The following TCEA1 variants were observed in gnomAD, a reference collection of about 807,000 sequenced individuals.
TCEA1 encodes the protein transcription elongation factor A1, also known as transcription elongation factor A protein 1.
Under a neutral mutation model 43.8 loss-of-function variants are expected in TCEA1, and 21 were observed. The ratio of observed to expected loss-of-function variants is 0.48; its 90% CI spans 0.34 to 0.69. The LOEUF (loss-of-function observed/expected upper bound fraction) is 0.69. Ranked by LOEUF, TCEA1 falls within the 30% of genes least tolerant of loss-of-function variation. The pLI is 0.01. For synonymous variants in TCEA1, 104 were observed against 117.5 expected (o/e 0.88, Z 0.75); for missense variants, 250 against 365.1 (o/e 0.68, Z 2.57).
At chr8:53,975,008 A>G (rs1435286879) in intron 8 of TCEA1, among the ~76,000 whole-genome samples, 1 of 152,148 alleles carries the variant, frequency 6.6e-6, no homozygotes, top group Non-Finnish European at 1.5e-5. Context: ...CTAGCCATAA[A>G]AGATGGAAGA....
At chr8:53,986,247 T>C (rs1308009423) in intron 6 of TCEA1, among the ~76,000 whole-genome samples, 9 of 152,200 alleles carry the variant, frequency 5.9e-5, no homozygotes, top group Admixed American at 5.9e-4. Context: ...CCACTCACAA[T>C]GGCCAATCCA....
chr8:53,988,898 G>A (rs866933514), intron 4 of TCEA1, among the ~76,000 whole-genome samples: 50 of 152,058 alleles, frequency 3.3e-4, no homozygotes, highest in African/African-American at 9.6e-4. Context: ...GTGAAACCCC[G>A]TCTCTATTAA....
At chr8:53,982,678 A>AAGAT (rs995950993) in intron 7 of TCEA1, among the ~76,000 whole-genome samples, 2 of 151,884 alleles carry the variant, frequency 1.3e-5, no homozygotes, top group Non-Finnish European at 2.9e-5. Flanking sequence ...CATGAGAAGG[A>AAGAT]AGATTAGAAG....
intron 4 of TCEA1, among the ~76,000 whole-genome samples, chr8:53,992,261 G>C (rs867750096): frequency 6.6e-6 from 1 of 151,798 alleles, no homozygotes; most frequent in Non-Finnish European, 1.5e-5. Flanking sequence ...GCAGTGAGTC[G>C]AGATCGTGCC....
At chr8:54,008,951 C>T (rs771071365) in intron 2 of TCEA1, among the ~76,000 whole-genome samples, 2 of 150,646 alleles carry the variant, frequency 1.3e-5, no homozygotes, top group Non-Finnish European at 3.0e-5. Flanking sequence ...CTGGGTTCAA[C>T]TGATTCTCGT....
intron 7 of TCEA1, among the ~76,000 whole-genome samples, chr8:53,983,406 T>A (rs1387913567): frequency 6.6e-6 from 1 of 152,214 alleles, no homozygotes; most frequent in African/African-American, 2.4e-5. Flanking sequence ...AAATTGTAGA[T>A]ACAATATAGC....
Position 53,984,317 on chromosome 8 carries a change from C to T in TCEA1, c.678+46G>A, listed in dbSNP as rs140179031. The T allele has an allele frequency of 1.3e-4, 196 of 1,532,110 alleles. 3 individuals are homozygous for T. The East Asian group carries it at 4.4e-3, about 34-fold the overall frequency. The allele number at this position is 1,532,110 out of a possible 1,614,324, so 94.9% of individuals were successfully genotyped here. A position where few individuals can be genotyped will look rare whatever the true frequency, so the allele number is the denominator to read the frequency against. On this transcript the variant is annotated intron_variant, in intron 7 of 9. Transcript: ENST00000521604. ...TGATGATAATAGGCTTTACACTTCA[C>T]AACACAGAATCACATTATAGAAACC...
At chr8:53,973,737 T>C (rs1474161146) in intron 8 of TCEA1, 8 of 561,100 alleles carry the variant, frequency 1.4e-5, no homozygotes, top group South Asian at 3.1e-5. Context: ...TAGCAATGCA[T>C]GGTTTCAAGC....
intron 8 of TCEA1, among the ~76,000 whole-genome samples, chr8:53,971,026 T>A (rs935980379): frequency 6.6e-6 from 1 of 152,064 alleles, no homozygotes; most frequent in Non-Finnish European, 1.5e-5. Flanking sequence ...AAGAGTATAA[T>A]TTTATAACAG....
At chr8:54,017,104 T>C (rs1804856926) in intron 1 of TCEA1, among the ~76,000 whole-genome samples, 1 of 152,152 alleles carries the variant, frequency 6.6e-6, no homozygotes, top group Non-Finnish European at 1.5e-5. Context: ...GAAAGTATAT[T>C]AGTGGCTGTC....
intron 2 of TCEA1, among the ~76,000 whole-genome samples, chr8:54,008,319 T>TCAA (rs34975029): frequency 0.028 from 4,244 of 150,608 alleles, 78 homozygotes; most frequent in East Asian, 0.073. Flanking sequence ...GTCAAACAAT[T>TCAA]CAACAACAAC....
intron 7 of TCEA1, among the ~76,000 whole-genome samples, chr8:53,983,499 TAATC>T (rs746847833): frequency 2.0e-5 from 3 of 152,156 alleles, no homozygotes; most frequent in Non-Finnish European, 4.4e-5. Context: ...ATTTAAGAAA[TAATC>T]AATAGGATGG....
intron 6 of TCEA1, among the ~76,000 whole-genome samples, chr8:53,985,414 T>TTTGA (rs1006524170): frequency 1.8e-4 from 28 of 152,274 alleles, no homozygotes; most frequent in African/African-American, 6.7e-4. Flanking sequence ...AAAGCACATG[T>TTTGA]TTGAAAAGGA....
chr8:54,009,855 G>A (rs1183975132), intron 2 of TCEA1: 1 of 152,224 alleles, frequency 6.6e-6, no homozygotes, highest in Non-Finnish European at 1.5e-5. Flanking sequence ...GATAAATACT[G>A]AAGGTGAGGG....
intron 4 of TCEA1, among the ~76,000 whole-genome samples, chr8:53,992,356 T>C (rs1351205109): frequency 1.3e-5 from 2 of 152,046 alleles, no homozygotes; most frequent in African/African-American, 4.8e-5. Context: ...CTCACGCCTG[T>C]AATCCCAGCA....
At chr8:54,001,989 A>C (rs1410059614) in intron 2 of TCEA1, among the ~76,000 whole-genome samples, 26 of 147,030 alleles carry the variant, frequency 1.8e-4, no homozygotes, top group African/African-American at 5.7e-4. Flanking sequence ...AAAAAAAAAA[A>C]CAAAAAACAA....
At chr8:53,984,216 T>C (rs1586000890) in intron 7 of TCEA1, 147 bp downstream of exon 7, 1 of 663,826 alleles carries the variant, frequency 1.5e-6, no homozygotes. Flanking sequence ...ACAATCACCT[T>C]AAGTATTTGT....
chr8:54,012,792 T>G (rs1225493052), intron 1 of TCEA1, among the ~76,000 whole-genome samples: 1 of 151,804 alleles, frequency 6.6e-6, no homozygotes, highest in Non-Finnish European at 1.5e-5. Context: ...AGATAAAAAA[T>G]TAGCTGGCCA....
Position 54,022,276 on chromosome 8 carries a change from C to CGCG in TCEA1, c.-154_-152dup, listed in dbSNP as rs58021302. The CGCG allele has an allele frequency of 0.17, 150,201 of 883,044 alleles. 17,579 individuals carry two copies. Among genetic ancestry groups the CGCG allele is most frequent in the East Asian group, 0.61 (17,029 of 28,146 alleles). The allele number at this position is 883,044 out of a possible 1,614,324, so 54.7% of individuals were successfully genotyped here. On this transcript the variant is annotated 5_prime_UTR_variant, in exon 1 of 10. Transcript: ENST00000521604. ...GGCCCCCTTCCTTACGAACGAAGCC[C>CGCG]GCGGCGGCGGCGGCGGCGGCGGCGG...
Sources: allele counts gnomAD v4.1 joint callset (sites outside exome capture counted in the v4.1 genomes callset), GRCh38; gene constraint gnomAD v4.1.1; transcripts MANE v1.5; gene names NCBI Gene and HGNC (gene_info 2026-07-23, HGNC 2026-07-21).